Variants in ETV1 observed in about 807,000 individuals in gnomAD.
The protein encoded by ETV1 is ETS variant transcription factor 1.
Under a neutral mutation model 62.3 loss-of-function variants are expected in ETV1, and 27 were observed. The ratio of observed to expected loss-of-function variants is 0.43; its 90% CI spans 0.32 to 0.60. The LOEUF is 0.60. ETV1 is among the 20% of genes least tolerant of loss of function. The pLI is 0.06. For missense variants in ETV1, 605 were observed against 605.8 expected (o/e 1.00, Z 0.01); for synonymous variants, 222 against 199.6 (o/e 1.11, Z -0.94).
chr7:13,931,857 C>G, intron 8 of ETV1, 108 bp from the exon 9 acceptor site: 1 of 1,327,652 alleles, frequency 7.5e-7, no homozygotes, highest in Non-Finnish European at 1.0e-6. Flanking sequence ...ACCAGCTGAC[C>G]TGAAGCGTAA....
chr7:13,895,133 G>A lies in ETV1; in HGVS notation c.*733C>T, dbSNP rs919563446. 1.3e-5 allele frequency: 3 copies of A among 233,298 alleles called. No individual in the cohort carries two copies. Among genetic ancestry groups the A allele is most frequent in the Non-Finnish European group, 2.5e-5 (3 of 117,930 alleles). The allele number at this position is 233,298 out of a possible 1,614,324, so 14.5% of individuals were successfully genotyped here. ...GTATGATTTGTATCTAAACAGCAAG[G>A]TGGCACCAGATACACGTAATGCTAC... On this transcript the variant is annotated 3_prime_UTR_variant, in exon 14 of 14. Coordinates refer to ENST00000430479, the MANE Select transcript of ETV1 (RefSeq NM_004956.5).
intron 6 of ETV1, among the ~76,000 whole-genome samples, chr7:13,967,350 A>G (rs998683526): frequency 6.6e-6 from 1 of 152,150 alleles, no homozygotes; most frequent in African/African-American, 2.4e-5. Context: ...AACAAACCAA[A>G]AAAACTTCTT....
chr7:13,907,733 T>G (rs529969917), intron 11 of ETV1: 6 of 428,766 alleles, frequency 1.4e-5, no homozygotes. Flanking sequence ...TCTAAGCCTA[T>G]GTAGTCATAC....
rs575245175 is a variant in ETV1 at position 13,892,567 on chromosome 7, C to A, written c.*3299G>T. 1 of 232,742 alleles carries A rather than the reference C, an allele frequency of 4.3e-6. No homozygotes were observed. The highest frequency in any genetic ancestry group is 1.8e-4 in the South Asian group (1 of 5,518). 14.4% of individuals were successfully genotyped at this position (232,742 alleles called of 1,614,324 possible). ...ATAACAGCCCTGCCCTCACCCCTTA[C>A]ATCCATGTCCTAATCCCTGGGACCT... is the stretch of plus-strand genomic sequence containing the variant. On this transcript the variant is annotated 3_prime_UTR_variant, in exon 14 of 14. Coordinates refer to ENST00000430479, the MANE Select transcript of ETV1 (RefSeq NM_004956.5).
At chr7:13,930,234 G>T (rs1785927682) in intron 9 of ETV1, among the ~76,000 whole-genome samples, 1 of 152,156 alleles carries the variant, frequency 6.6e-6, no homozygotes. Flanking sequence ...TGATTTGGCA[G>T]ATTATAGAAG....
intron 10 of ETV1, among the ~76,000 whole-genome samples, chr7:13,910,784 T>A (rs1186584233): frequency 6.6e-6 from 1 of 152,230 alleles, no homozygotes; most frequent in East Asian, 1.9e-4. Flanking sequence ...CTAGGCCTCC[T>A]ATGTGAAATC....
At chr7:13,898,619 T>C (rs1156929988) in intron 13 of ETV1, among the ~76,000 whole-genome samples, 1 of 152,160 alleles carries the variant, frequency 6.6e-6, no homozygotes, top group Non-Finnish European at 1.5e-5. Flanking sequence ...ATGTAAGTTA[T>C]TTTTATTTTT....
chr7:13,946,585 C>T (rs566818322), intron 6 of ETV1, among the ~76,000 whole-genome samples: 2 of 152,140 alleles, frequency 1.3e-5, no homozygotes, highest in South Asian at 2.1e-4. Context: ...ATTTTTTCTA[C>T]CTATATTTTA....
At chr7:13,906,368 T>C in intron 12 of ETV1, 62 bp downstream of exon 12, 1 of 1,111,924 alleles carries the variant, frequency 9.0e-7, no homozygotes, top group African/African-American at 1.6e-5. Flanking sequence ...ATTAATCAAA[T>C]GTGTCAGTTT....
chr7:13,928,722 C>A (rs1785729005), intron 9 of ETV1, among the ~76,000 whole-genome samples: 1 of 152,112 alleles, frequency 6.6e-6, no homozygotes. Context: ...CTTTGGGAGG[C>A]CAAGGTGGCC....
intron 5 of ETV1, among the ~76,000 whole-genome samples, chr7:13,984,964 A>T (rs1385477476): frequency 6.6e-6 from 1 of 151,962 alleles, no homozygotes; most frequent in African/African-American, 2.4e-5. Flanking sequence ...ATAAAATGGT[A>T]AGAGTCTGTC....
chr7:13,906,374 A>C, intron 12 of ETV1, 56 bp downstream of exon 12: 1 of 1,166,250 alleles, frequency 8.6e-7, no homozygotes, highest in East Asian at 2.7e-5. Context: ...CAAATGTGTC[A>C]GTTTCTTTAT....
Position 13,935,732 on chromosome 7 carries a change from T to C in ETV1, c.530A>G (p.Asp177Gly). Residue 177 changes from aspartate to glycine, a missense_variant, in exon 8 of 14, where the codon GAT becomes GGT. This residue lies in a region of ETV1 where 426 missense variants were observed against 377.8 expected (regional missense o/e 1.13). Transcript: ENST00000430479. ...CCTGTGGTCCATGGGGTAGCTGCTA[T>C]CTGGTATGGACTGCGATGGAGGGAG... ...AHLPPSQSIP[D>G]SSYPMDHRFR... The C allele has an allele frequency of 1.2e-6, 2 of 1,613,896 alleles. No individual in the cohort carries two copies. The highest frequency in any genetic ancestry group is 1.7e-6 in the Non-Finnish European group (2 of 1,179,864).
intron 6 of ETV1, among the ~76,000 whole-genome samples, chr7:13,949,309 A>G (rs1788527462): frequency 6.6e-6 from 1 of 152,234 alleles, no homozygotes; most frequent in African/African-American, 2.4e-5. Flanking sequence ...CACTCAGTAG[A>G]TGAAAAGCAT....
chr7:13,970,263 A>AACAC (rs71033966), intron 6 of ETV1, among the ~76,000 whole-genome samples: 2,601 of 125,932 alleles, frequency 0.021, 32 homozygotes, highest in Non-Finnish European at 0.025. Flanking sequence ...CCCATCTCAA[A>AACAC]ACACACACAC....
chr7:13,961,259 A>G (rs1262996641), intron 6 of ETV1, among the ~76,000 whole-genome samples: 2 of 152,224 alleles, frequency 1.3e-5, no homozygotes, highest in Admixed American at 6.5e-5. Flanking sequence ...AAGCCCAGCC[A>G]TAGCCTAATA....
intron 9 of ETV1, among the ~76,000 whole-genome samples, chr7:13,923,471 T>G (rs764939204): frequency 6.6e-6 from 1 of 152,232 alleles, no homozygotes; most frequent in Non-Finnish European, 1.5e-5. Context: ...CTTGGGCCTA[T>G]GTGAATAGCA....
intron 6 of ETV1, among the ~76,000 whole-genome samples, chr7:13,947,392 C>CAAAAAAAA (rs11352949): frequency 1.2e-5 from 1 of 86,494 alleles, no homozygotes; most frequent in Admixed American, 1.2e-4. Flanking sequence ...ACTAACTATA[C>CAAAAAAAA]AAAAAAAAAA....
At chr7:13,959,720 C>T (rs1789932426) in intron 6 of ETV1, among the ~76,000 whole-genome samples, 1 of 151,700 alleles carries the variant, frequency 6.6e-6, no homozygotes, top group Non-Finnish European at 1.5e-5. Context: ...CCTGTCTCTA[C>T]TAAAAATACA....
Sources: allele counts gnomAD v4.1 joint callset (sites outside exome capture counted in the v4.1 genomes callset), GRCh38; gene constraint gnomAD v4.1.1; regional missense constraint gnomAD v4.1.1; transcripts MANE v1.5; gene names NCBI Gene and HGNC (gene_info 2026-07-23, HGNC 2026-07-21).